Variants in CNTN5 observed in about 807,000 individuals in gnomAD.
CNTN5 encodes the protein contactin-5.
Under a neutral mutation model 129.1 loss-of-function variants are expected in CNTN5, and 77 were observed. The ratio of observed to expected loss-of-function variants is 0.60; its 90% CI spans 0.50 to 0.72. CNTN5 has a LOEUF of 0.72. CNTN5 is among the 30% of genes least tolerant of loss of function. CNTN5 has a pLI of 0.00. For missense variants in CNTN5, 1,478 were observed against 1,328.8 expected (o/e 1.11, Z -1.75); for synonymous variants, 509 against 465.6 (o/e 1.09, Z -1.20).
chr11:99,804,738 ATG>A (rs1946217863), intron 3 of CNTN5, among the ~76,000 whole-genome samples: 1 of 151,254 alleles, frequency 6.6e-6, no homozygotes, highest in Admixed American at 6.6e-5. Flanking sequence ...TATATACTAA[ATG>A]TGTTTGAGTC....
chr11:99,161,116 A>C (rs990224035), intron 1 of CNTN5, among the ~76,000 whole-genome samples: 2 of 152,262 alleles, frequency 1.3e-5, no homozygotes, highest in South Asian at 4.1e-4. Flanking sequence ...TTTCACTAGA[A>C]TCTAGAATAG....
At chr11:99,135,803 G>A (rs1859192376) in intron 1 of CNTN5, among the ~76,000 whole-genome samples, 1 of 151,852 alleles carries the variant, frequency 6.6e-6, no homozygotes, top group Non-Finnish European at 1.5e-5. Context: ...ATTTAAATTA[G>A]TACCAAGATC....
chr11:99,427,603 A>C (rs12421807), intron 2 of CNTN5, among the ~76,000 whole-genome samples: 7,037 of 151,540 alleles, frequency 0.046, 350 homozygotes, highest in East Asian at 0.15. Flanking sequence ...TGTCTCTACT[A>C]AAAATACAAA....
At chr11:99,744,468 G>C (rs1943981824) in intron 3 of CNTN5, among the ~76,000 whole-genome samples, 1 of 146,242 alleles carries the variant, frequency 6.8e-6, no homozygotes, top group Non-Finnish European at 1.5e-5. Context: ...TGGAGGGTGA[G>C]GCAACTGGAT....
chr11:99,032,483 A>G (rs902895161), intron 1 of CNTN5, among the ~76,000 whole-genome samples: 2 of 150,140 alleles, frequency 1.3e-5, no homozygotes, highest in African/African-American at 2.4e-5. Context: ...ATGGTATCTC[A>G]TTGTGGTTTT....
Position 99,792,573 on chromosome 11 carries a change from G to GCGTC in CNTN5, c.56-26971_56-26970insCGTC, listed in dbSNP as rs1555113492. Among the ~76,000 whole-genome samples the GCGTC allele has an allele frequency of 4.0e-3, 467 of 116,688 alleles. 4 individuals are homozygous for GCGTC. The highest frequency in any genetic ancestry group is 0.016 in the African/African-American group (444 of 27,272). The allele number at this position is 116,688 out of a possible 152,430, so 76.6% of individuals were successfully genotyped here. On this transcript the variant is annotated intron_variant, in intron 3 of 24. Transcript: ENST00000524871. ...TGTGTGTGTGTGTGTGTGTGTGTGT[G>GCGTC]TGTCTGTCTGTCTGTCTGTCTGTCT...
intron 6 of CNTN5, among the ~76,000 whole-genome samples, chr11:99,914,056 C>T (rs1330237476): frequency 2.6e-5 from 4 of 151,930 alleles, no homozygotes; most frequent in East Asian, 1.9e-4. Context: ...GGCAACATAG[C>T]GAGACTCTGT....
intron 1 of CNTN5, among the ~76,000 whole-genome samples, chr11:99,096,785 G>T (rs932442224): frequency 6.6e-6 from 1 of 151,630 alleles, no homozygotes; most frequent in South Asian, 2.1e-4. Flanking sequence ...TATGAAGGGT[G>T]TATCTGATTT....
intron 13 of CNTN5, among the ~76,000 whole-genome samples, chr11:100,092,514 T>A (rs963219005): frequency 2.0e-5 from 3 of 152,156 alleles, no homozygotes; most frequent in African/African-American, 7.2e-5. Flanking sequence ...AGAACGCTTT[T>A]CACAAACCAC....
chr11:99,127,841 A>T (rs1858722258), intron 1 of CNTN5, among the ~76,000 whole-genome samples: 1 of 152,178 alleles, frequency 6.6e-6, no homozygotes, highest in Non-Finnish European at 1.5e-5. Flanking sequence ...TCTTTATCAC[A>T]TATGACAACT....
chr11:99,161,010 T>A (rs899523671), intron 1 of CNTN5, among the ~76,000 whole-genome samples: 4 of 152,092 alleles, frequency 2.6e-5, no homozygotes, highest in African/African-American at 9.7e-5. Flanking sequence ...TAAAAACTTG[T>A]GAATTTGGGG....
At chr11:99,129,120 G>C (rs1200085419) in intron 1 of CNTN5, among the ~76,000 whole-genome samples, 1 of 152,222 alleles carries the variant, frequency 6.6e-6, no homozygotes, top group Admixed American at 6.5e-5. Context: ...ACTGACAGAA[G>C]TAGGCTTCGG....
At chr11:100,314,660 T>G (rs1470363133) in intron 21 of CNTN5, among the ~76,000 whole-genome samples, 1 of 152,154 alleles carries the variant, frequency 6.6e-6, no homozygotes, top group Non-Finnish European at 1.5e-5. Context: ...TGAGGGAAGC[T>G]ACACTTGAGC....
At position 100,297,677 on chromosome 11, in the gene CNTN5, G is replaced by A; in HGVS notation, c.2367G>A (p.Glu789=). 1 of 1,603,210 alleles carries A rather than the reference G, an allele frequency of 6.2e-7. No homozygotes were observed. Among genetic ancestry groups the A allele is most frequent in the Non-Finnish European group, 8.5e-7 (1 of 1,173,718 alleles). The part of the protein sequence containing the change: ...NVSGRSGRRH[E]LVIAWEPVSE... ...GCGGAAGAAGTGGAAGAAGGCATGAGTTAGTCATTGCCTGGGAGGTAAGAA... is the reference window on the plus strand; with the variant it reads ...GCGGAAGAAGTGGAAGAAGGCATGAATTAGTCATTGCCTGGGAGGTAAGAA... The change falls in exon 19 of 25, where the codon GAG becomes GAA. Residue 789 remains glutamate (E), a synonymous_variant. Coordinates refer to ENST00000524871, the MANE Select transcript of CNTN5 (RefSeq NM_014361.4).
intron 6 of CNTN5, among the ~76,000 whole-genome samples, chr11:99,880,820 T>G (rs1948753216): frequency 1.3e-5 from 2 of 152,130 alleles, no homozygotes; most frequent in Admixed American, 1.3e-4. Flanking sequence ...GAAATATTAT[T>G]TTGGAGATAG....
rs542962492 is a variant in CNTN5 at position 99,295,966 on chromosome 11, CTTTATCT to C, written c.-209-29372_-209-29366del. Reference sequence around the variant, plus strand: ...CTAAAGTTTCTCACCTACATTGGGCCTTTATCTTTTATCTATTAAAGCATAAGGTTAT... The same window carrying C: ...CTAAAGTTTCTCACCTACATTGGGCCTTTATCTATTAAAGCATAAGGTTAT... On this transcript the variant is annotated intron_variant, in intron 1 of 24. Transcript: ENST00000524871. Among the ~76,000 whole-genome samples, 348 of 151,866 alleles carry C rather than the reference CTTTATCT, an allele frequency of 2.3e-3. 2 individuals carry two copies. Among genetic ancestry groups the C allele is most frequent in the African/African-American group, 8.0e-3 (330 of 41,414 alleles).
chr11:99,634,709 C>A (rs776250609), intron 3 of CNTN5, among the ~76,000 whole-genome samples: 1 of 152,156 alleles, frequency 6.6e-6, no homozygotes, highest in Non-Finnish European at 1.5e-5. Flanking sequence ...TGAATGTATT[C>A]CTAAGGATTA....
intron 2 of CNTN5, among the ~76,000 whole-genome samples, chr11:99,478,349 C>T (rs142171920): frequency 6.3e-4 from 96 of 152,274 alleles, no homozygotes; most frequent in African/African-American, 2.3e-3. Context: ...GGCCCACCCT[C>T]AGTTTCTTGC....
intron 1 of CNTN5, among the ~76,000 whole-genome samples, chr11:99,060,119 A>G (rs1275702869): frequency 6.6e-6 from 1 of 152,046 alleles, no homozygotes; most frequent in Non-Finnish European, 1.5e-5. Context: ...AAGAGAGGAG[A>G]TCAGTTTACA....
Sources: gnomAD v4.1 joint callset for allele counts (sites outside exome capture counted in the v4.1 genomes callset) on GRCh38, gnomAD v4.1.1 for gene constraint, MANE v1.5 for transcripts, NCBI Gene and HGNC (gene_info 2026-07-23, HGNC 2026-07-21) for gene names.